The following PTPRN2 variants were observed in gnomAD, a reference collection of about 807,000 sequenced individuals.
PTPRN2 encodes receptor-type tyrosine-protein phosphatase N2.
A neutral mutation model predicts 118.8 loss-of-function variants in PTPRN2; 74 were observed. The ratio of observed to expected loss-of-function variants is 0.62; its 90% confidence interval spans 0.52 to 0.76. PTPRN2 has a LOEUF of 0.76. Among genes scored for constraint, PTPRN2 ranks in the 30% least tolerant of loss-of-function variants. The pLI is 0.00. For missense variants in PTPRN2, 1,481 were observed against 1,394.4 expected (o/e 1.06, Z -0.99); for synonymous variants, 641 against 608.0 (o/e 1.05, Z -0.80).
chr7:158,064,960 T>A (rs1278157476), intron 11 of PTPRN2, among the ~76,000 whole-genome samples: 1 of 152,130 alleles, frequency 6.6e-6, no homozygotes, highest in Non-Finnish European at 1.5e-5. Context: ...AGCGCAGGCA[T>A]AAACACTCAG....
rs766314993 is a variant in PTPRN2, at chr7:158,587,670, C to G, written c.-1G>C. On this transcript the variant is annotated 5_prime_UTR_variant, in exon 1 of 23. Transcript: ENST00000389418. ...GCAGCAGCGGGAGCGGCGGCCCCATCCCCGCGGCCTGGCCGGCGGCGCTCA... is the reference window on the plus strand; with the variant it reads ...GCAGCAGCGGGAGCGGCGGCCCCATGCCCGCGGCCTGGCCGGCGGCGCTCA... The G allele has an allele frequency of 2.7e-4, 357 of 1,330,730 alleles. 2 individuals are homozygous for G. The Middle Eastern group carries it at 3.4e-3, about 13-fold the overall frequency. The allele number at this position is 1,330,730 out of a possible 1,614,324, so 82.4% of individuals were successfully genotyped here. A position where few individuals can be genotyped will look rare whatever the true frequency, so the allele number is the denominator to read the frequency against.
intron 12 of PTPRN2, among the ~76,000 whole-genome samples, chr7:157,697,768 A>G (rs796132186): frequency 3.5e-3 from 329 of 92,736 alleles, no homozygotes; most frequent in Non-Finnish European, 4.6e-3. Flanking sequence ...TGCATACTGG[A>G]TCTTGGCAGA....
intron 2 of PTPRN2, among the ~76,000 whole-genome samples, chr7:158,329,776 C>T (rs1329352835): frequency 6.6e-6 from 1 of 152,126 alleles, no homozygotes; most frequent in Non-Finnish European, 1.5e-5. Context: ...GCCTGGGAGT[C>T]GCAACCCAAG....
At position 158,298,209 on chromosome 7, in the gene PTPRN2, A is replaced by T. The variant is rs373728903; in HGVS notation, c.277+18610T>A. Among the ~76,000 whole-genome samples, 17 of 152,070 alleles carry T rather than the reference A, an allele frequency of 1.1e-4. 1 individual carries two copies. In the South Asian group the frequency reaches 1.9e-3, roughly 17 times the overall value. ...TTGATGCTTGCCCTCATTTCTTCGT[A>T]CCTATTTCAGTATTTTCTGCTCTTG... On this transcript the variant is annotated intron_variant, in intron 3 of 22. Transcript: ENST00000389418.
At chr7:158,376,388 G>A (rs1310442480) in intron 2 of PTPRN2, among the ~76,000 whole-genome samples, 2 of 144,648 alleles carry the variant, frequency 1.4e-5, no homozygotes, top group South Asian at 2.2e-4. Context: ...GTCCTGCGAG[G>A]GGGGGTCAGG....
chr7:157,980,321 C>T (rs1803040253), intron 11 of PTPRN2, among the ~76,000 whole-genome samples: 1 of 152,218 alleles, frequency 6.6e-6, no homozygotes, highest in Non-Finnish European at 1.5e-5. Flanking sequence ...TTTATGTCAA[C>T]TTACAGGGAA....
In PTPRN2 at chr7:157,728,636, A is replaced by G. The variant is rs547225340; in HGVS notation, c.1789-45699T>C. On this transcript the variant is annotated intron_variant, in intron 12 of 22. Transcript: ENST00000389418. ...TTGAAGAGGTGGGGAAAGGTAGCTC[A>G]GATTTTAAATTGGGGCCTCAAAACC... is the stretch of plus-strand genomic sequence containing the variant. Among the ~76,000 whole-genome samples the G allele has an allele frequency of 4.9e-4, 74 of 152,356 alleles. 1 individual carries two copies. Among genetic ancestry groups the G allele is most frequent in the Middle Eastern group, 6.8e-3 (2 of 294 alleles).
In PTPRN2 at chr7:157,596,958, A is replaced by G. The variant is rs1047608872; in HGVS notation, c.2419-1643T>C. 6.6e-6 allele frequency among the ~76,000 whole-genome samples: 1 copy of G among 152,222 alleles called. No homozygotes were observed. The highest frequency in any genetic ancestry group is 6.5e-5 in the Admixed American group (1 of 15,290). On this transcript the variant is annotated intron_variant, in intron 16 of 22. Transcript: ENST00000389418. The surrounding 1 kb of genome is among the most constrained non-coding windows in gnomAD (Gnocchi z 4.2). ...GGACATCAGTGGTGGCCCCGGTGCT[A>G]CCTTAAGTGCTGCTGCATTTGGGAA...
At chr7:158,515,972 T>C (rs569685815) in intron 1 of PTPRN2, among the ~76,000 whole-genome samples, 1 of 152,294 alleles carries the variant, frequency 6.6e-6, no homozygotes, top group East Asian at 1.9e-4. Flanking sequence ...TCATACTTGA[T>C]ACTCTAAGGC....
intron 13 of PTPRN2, among the ~76,000 whole-genome samples, chr7:157,669,271 G>A (rs1796288013): frequency 6.6e-6 from 1 of 152,230 alleles, no homozygotes; most frequent in Non-Finnish European, 1.5e-5. Flanking sequence ...AGCCGAGCCT[G>A]TCCGTGATCT....
Position 157,618,235 on chromosome 7 carries a change from C to G in PTPRN2, c.2344+3127G>C, listed in dbSNP as rs750035722. On this transcript the variant is annotated intron_variant, in intron 15 of 22. Transcript: ENST00000389418. This position sits in a 1 kb window ranked among gnomAD's most constrained non-coding sequence, Gnocchi z 4.2. ...GCATGAGAGAAGGGAGGGGTGGTCC[C>G]GAGGACCCTTTCCATAGACCTGGGA... 1 of 152,244 alleles carries G rather than the reference C, an allele frequency of 6.6e-6. No individual in the cohort carries two copies. The highest frequency in any genetic ancestry group is 1.5e-5 in the Non-Finnish European group (1 of 68,064). 9.4% of individuals were successfully genotyped at this position (152,244 alleles called of 1,614,324 possible).
chr7:158,407,180 G>A (rs1256833859), intron 2 of PTPRN2, among the ~76,000 whole-genome samples: 3 of 17,810 alleles, frequency 1.7e-4, no homozygotes, highest in African/African-American at 4.0e-4. Context: ...TGCGTCCTGC[G>A]TCCTGGGTCC....
At chr7:157,600,318 G>A (rs756839557) in intron 16 of PTPRN2, among the ~76,000 whole-genome samples, 10 of 152,172 alleles carry the variant, frequency 6.6e-5, no homozygotes, top group Non-Finnish European at 1.3e-4. Context: ...TGCATGAAAC[G>A]CTTTCTTGAA....
At chr7:157,758,079 G>A (rs1335082132) in intron 12 of PTPRN2, among the ~76,000 whole-genome samples, 3 of 152,178 alleles carry the variant, frequency 2.0e-5, no homozygotes, top group Non-Finnish European at 2.9e-5. Flanking sequence ...GACTGACGGC[G>A]CAGGGGACGC....
At chr7:158,449,155 T>G (rs7784413) in intron 2 of PTPRN2, among the ~76,000 whole-genome samples, 1 of 152,154 alleles carries the variant, frequency 6.6e-6, no homozygotes, top group Non-Finnish European at 1.5e-5. Context: ...CAGTGAACAC[T>G]GAAAACAATC....
intron 3 of PTPRN2, among the ~76,000 whole-genome samples, chr7:158,262,971 C>CA (rs1797604593): frequency 8.2e-6 from 1 of 121,604 alleles, no homozygotes; most frequent in Admixed American, 7.8e-5. Context: ...CATTCACACA[C>CA]TGCACACATA....
intron 3 of PTPRN2, among the ~76,000 whole-genome samples, chr7:158,237,811 G>C (rs935826479): frequency 6.6e-6 from 1 of 152,242 alleles, no homozygotes; most frequent in South Asian, 2.1e-4. Context: ...CTGGCTTCTC[G>C]TTTCCTGCTC....
At chr7:157,633,144 C>CTTT (rs113679613) in intron 14 of PTPRN2, among the ~76,000 whole-genome samples, 3 of 142,108 alleles carry the variant, frequency 2.1e-5, no homozygotes, top group African/African-American at 7.8e-5. Flanking sequence ...CTTTTCTTTT[C>CTTT]TTTTTTTTTT....
At chr7:157,595,638 T>TGGA (rs1801285728) in intron 16 of PTPRN2, among the ~76,000 whole-genome samples, 1 of 134,988 alleles carries the variant, frequency 7.4e-6, no homozygotes, top group African/African-American at 2.6e-5. Flanking sequence ...TTAGGAAGCC[T>TGGA]GGTGGTTAGG....
Sources: gnomAD v4.1 joint callset for allele counts (sites outside exome capture counted in the v4.1 genomes callset) on GRCh38, gnomAD v4.1.1 for gene constraint, Gnocchi (gnomAD v3.1) non-coding constraint, MANE v1.5 for transcripts, NCBI Gene and HGNC (gene_info 2026-07-23, HGNC 2026-07-21) for gene names.